Variants in NSUN2 observed in about 807,000 individuals in gnomAD.
NSUN2 encodes the protein RNA cytosine C(5)-methyltransferase NSUN2.
In NSUN2, 63 loss-of-function variants were observed where a neutral mutation model predicts 92.7. That is an observed-to-expected ratio of 0.68 (90% CI 0.56 to 0.84). NSUN2 has a LOEUF of 0.84. Ranked by LOEUF, NSUN2 falls within the 40% of genes least tolerant of loss-of-function variation. NSUN2 has a pLI of 0.00. For synonymous variants in NSUN2, 356 were observed against 348.3 expected (o/e 1.02, Z -0.25); for missense variants, 989 against 964.9 (o/e 1.02, Z -0.33).
At chr5:6,601,779 G>A (rs1374426577) in intron 18 of NSUN2, among the ~76,000 whole-genome samples, 3 of 152,096 alleles carry the variant, frequency 2.0e-5, no homozygotes, top group Non-Finnish European at 4.4e-5. Flanking sequence ...AGTCAGCCGT[G>A]GACCCCATTC....
chr5:6,618,892 C>T (rs932341409), intron 7 of NSUN2, among the ~76,000 whole-genome samples: 3 of 152,094 alleles, frequency 2.0e-5, no homozygotes, highest in Non-Finnish European at 2.9e-5. Context: ...ATGGTCTAGC[C>T]GCGTGTACAC....
chr5:6,620,257 A>G lies in NSUN2; in HGVS notation c.664T>C (p.Tyr222His), dbSNP rs1173175233. ...CTCTTGGCTTGATGGACGAGCAGGTAGCAGCGCTTGTTGTCCACATCATTC... is the reference window on the plus strand; with the variant it reads ...CTCTTGGCTTGATGGACGAGCAGGTGGCAGCGCTTGTTGTCCACATCATTC... Reference protein sequence around the residue: ...IANDVDNKRCYLLVHQAKRLS... With the variant: ...IANDVDNKRCHLLVHQAKRLS... Residue 222 changes from tyrosine to histidine, a missense_variant, in exon 7 of 19, where the codon TAC becomes CAC. Tyr to His is a moderately conservative substitution (Grantham distance 83). Coordinates refer to ENST00000264670, the MANE Select transcript of NSUN2 (RefSeq NM_017755.6). The G allele has an allele frequency of 6.2e-7, 1 of 1,607,918 alleles. No individual in the cohort carries two copies. Among genetic ancestry groups the G allele is most frequent in the Non-Finnish European group, 8.5e-7 (1 of 1,177,792 alleles).
chr5:6,606,089 G>C (rs779482603), intron 14 of NSUN2, among the ~76,000 whole-genome samples: 6 of 152,186 alleles, frequency 3.9e-5, no homozygotes, highest in African/African-American at 4.8e-5. Context: ...ATAAGAAACA[G>C]ATGAATGTCA....
chr5:6,631,725 G>A (rs554933002), intron 3 of NSUN2, 148 bp downstream of exon 3: 29 of 632,682 alleles, frequency 4.6e-5, no homozygotes, highest in Middle Eastern at 5.3e-4. Context: ...ATATAATGTT[G>A]ATAAAAGCAC....
Position 6,631,960 on chromosome 5 carries a change from A to G in NSUN2, c.272T>C (p.Leu91Pro). The G allele has an allele frequency of 6.2e-7, 1 of 1,613,060 alleles. No individual in the cohort carries two copies. The highest frequency in any genetic ancestry group is 8.5e-7 in the Non-Finnish European group (1 of 1,179,490). Residue 91 changes from leucine (L) to proline (P), a missense_variant, in exon 3 of 19, where the codon CTC (leucine) becomes CCC (proline). Around this residue, in one of 3 missense-constraint regions of NSUN2, gnomAD observed 356 missense variants for 338.6 expected, o/e 1.05. Coordinates refer to ENST00000264670, the MANE Select transcript of NSUN2 (RefSeq NM_017755.6). Reference protein sequence around the residue: ...TGYKSHAKEILHCLKNKYFKE... With the variant: ...TGYKSHAKEIPHCLKNKYFKE... ...AAAATATTTGTTCTTTAAGCAATGG[A>G]GAATCTCTTTTGCGTGGCTATTGAA...
chr5:6,603,777 G>A (rs1206315153), intron 17 of NSUN2: 1 of 195,058 alleles, frequency 5.1e-6, no homozygotes, highest in Non-Finnish European at 1.0e-5. Context: ...AGTGGGTCAA[G>A]AGCTCTGGCT....
In NSUN2 at chr5:6,632,079, CT is replaced by C; in HGVS notation, c.255-103del. On this transcript the variant is annotated intron_variant, in intron 2 of 18. Transcript: ENST00000264670. ...GCAAGTGTTTTAAAACTAAAACCAA[CT>C]TTTGCATGGAGAGTAAACATTCTTT... The C allele has an allele frequency of 3.4e-6, 3 of 873,562 alleles. No homozygotes were observed. In the South Asian group the frequency reaches 4.8e-5, roughly 14 times the overall value. The allele number at this position is 873,562 out of a possible 1,614,324, so 54.1% of individuals were successfully genotyped here. A position where few individuals can be genotyped will look rare whatever the true frequency, so the allele number is the denominator to read the frequency against.
intron 18 of NSUN2, among the ~76,000 whole-genome samples, chr5:6,601,442 G>A (rs1029387788): frequency 7.9e-5 from 12 of 151,750 alleles, no homozygotes; most frequent in Admixed American, 4.6e-4. Flanking sequence ...TCATGCGCTC[G>A]GCCTCGCTGA....
chr5:6,619,910 T>C (rs1737366370), intron 7 of NSUN2, among the ~76,000 whole-genome samples, 196 bp downstream of exon 7: 1 of 152,226 alleles, frequency 6.6e-6, no homozygotes, highest in South Asian at 2.1e-4. Flanking sequence ...TTTCTGTTCT[T>C]TATCCAGCAT....
chr5:6,622,673 C>A (rs1737493780), intron 5 of NSUN2, among the ~76,000 whole-genome samples: 1 of 151,992 alleles, frequency 6.6e-6, no homozygotes, highest in Admixed American at 6.6e-5. Flanking sequence ...CATGGAGAAA[C>A]CCCGTCTCTA....
At chr5:6,629,582 G>A (rs1201273409) in intron 3 of NSUN2, among the ~76,000 whole-genome samples, 2 of 152,194 alleles carry the variant, frequency 1.3e-5, no homozygotes, top group Admixed American at 1.3e-4. Context: ...GTGATTGTGT[G>A]AAGCAGCACA....
intron 11 of NSUN2, among the ~76,000 whole-genome samples, chr5:6,610,259 T>C (rs986161392): frequency 1.3e-5 from 2 of 151,890 alleles, no homozygotes; most frequent in Admixed American, 6.6e-5. Context: ...TTTTTTTCTG[T>C]AGAGATGGGG....
chr5:6,602,513 CAG>C lies in NSUN2; in HGVS notation c.1958-15_1958-14del, dbSNP rs772937893. ...ATGCTTCCCTTTGCTGGAAAAGAAA[CAG>C]ACACACATTTGCCAGGTTTTCCAGG... is the stretch of plus-strand genomic sequence containing the variant. On this transcript the variant is annotated splice_polypyrimidine_tract_variant and intron_variant, in intron 17 of 18. Coordinates refer to ENST00000264670, the MANE Select transcript of NSUN2 (RefSeq NM_017755.6). 1 of 1,614,214 alleles carries C rather than the reference CAG, an allele frequency of 6.2e-7. No homozygotes were observed. The highest frequency in any genetic ancestry group is 1.3e-5 in the African/African-American group (1 of 75,064).
chr5:6,603,835 ACT>A (rs1024759840), intron 17 of NSUN2: 39 of 271,266 alleles, frequency 1.4e-4, no homozygotes, highest in African/African-American at 8.7e-4. Flanking sequence ...CTCTCCCCGG[ACT>A]CTCTGGCCCA....
In NSUN2 at chr5:6,606,800, T is replaced by C; in HGVS notation, c.1601+20A>G. The C allele has an allele frequency of 7.3e-7, 1 of 1,374,902 alleles. No homozygotes were observed. The highest frequency in any genetic ancestry group is 1.0e-6 in the Non-Finnish European group (1 of 972,822). The allele number at this position is 1,374,902 out of a possible 1,614,324, so 85.2% of individuals were successfully genotyped here. On this transcript the variant is annotated intron_variant, in intron 14 of 18. Transcript: ENST00000264670. ...TAGTAAATTTCTTTAAATGAATAAT[T>C]AAAAAGGCTGAATCCTTACTCAATA... is the stretch of plus-strand genomic sequence containing the variant.
At chr5:6,619,629 TTTC>T (rs1299813815) in intron 7 of NSUN2, among the ~76,000 whole-genome samples, 1 of 152,206 alleles carries the variant, frequency 6.6e-6, no homozygotes, top group South Asian at 2.1e-4. Flanking sequence ...GCAAAATGAA[TTTC>T]TTAAGGGCTT....
intron 3 of NSUN2, among the ~76,000 whole-genome samples, chr5:6,630,015 C>A (rs1737812089): frequency 1.3e-5 from 2 of 152,192 alleles, no homozygotes; most frequent in South Asian, 4.1e-4. Context: ...TGGACTACTA[C>A]AGTATCAGAC....
chr5:6,627,900 C>T (rs1474193207), intron 3 of NSUN2, among the ~76,000 whole-genome samples: 2 of 152,150 alleles, frequency 1.3e-5, no homozygotes, highest in African/African-American at 4.8e-5. Context: ...TCAAATTTAG[C>T]TTGTGTCTTT....
At chr5:6,601,927 A>T (rs1736571927) in intron 18 of NSUN2, among the ~76,000 whole-genome samples, 2 of 152,140 alleles carry the variant, frequency 1.3e-5, no homozygotes, top group South Asian at 4.1e-4. Flanking sequence ...TCCTCTGGCA[A>T]GTGCTGCCAA....
Sources: gnomAD v4.1 joint callset for allele counts (sites outside exome capture counted in the v4.1 genomes callset) on GRCh38, gnomAD v4.1.1 for gene constraint, gnomAD v4.1.1 regional missense constraint, MANE v1.5 for transcripts, NCBI Gene and HGNC (gene_info 2026-07-23, HGNC 2026-07-21) for gene names.